The following HFM1 variants were observed in gnomAD, a reference collection of about 807,000 sequenced individuals.
HFM1 encodes probable ATP-dependent DNA helicase HFM1.
HFM1 carries 169 observed loss-of-function variants against 192.1 expected under a neutral mutation model. The observed-to-expected ratio is 0.88, with a 90% CI of 0.78 to 1.00. The LOEUF (loss-of-function observed/expected upper bound fraction) is 1.00. HFM1 is among the 50% of genes least tolerant of loss of function. The pLI, the probability that HFM1 is intolerant of heterozygous loss-of-function variation, is 0.00. For synonymous variants in HFM1, 525 were observed against 537.8 expected, an observed-to-expected ratio of 0.98 and a Z score of 0.33; for missense variants, 1,661 against 1,668.0, an observed-to-expected ratio of 1.00 and a Z score of 0.07.
chr1:91,286,811 C>T (rs574588801), intron 30 of HFM1, among the ~76,000 whole-genome samples: 6 of 152,262 alleles, frequency 3.9e-5, no homozygotes, highest in East Asian at 3.9e-4. Context: ...GTGCACCGTG[C>T]GCCAGCCGAA....
chr1:91,342,807 TA>T (rs1244055266), intron 20 of HFM1, among the ~76,000 whole-genome samples: 4 of 152,244 alleles, frequency 2.6e-5, no homozygotes, highest in African/African-American at 4.8e-5. Context: ...TTTAAGAATA[TA>T]AAAAGCATAT....
At position 91,394,375 on chromosome 1, in the gene HFM1, G is replaced by T; in HGVS notation, c.212C>A (p.Thr71Lys). 1 of 1,544,482 alleles carries T rather than the reference G, an allele frequency of 6.5e-7. No individual in the cohort carries two copies. The highest frequency in any genetic ancestry group is 8.9e-7 in the Non-Finnish European group (1 of 1,126,602). ...TTCATTAGTTATCTTTAAATTTGATGTTAACATTTTTGGCCTCTTTTCCTG... is the reference window on the plus strand; with the variant it reads ...TTCATTAGTTATCTTTAAATTTGATTTTAACATTTTTGGCCTCTTTTCCTG... ...LGQEKRPKML[T>K]SNLKITNEDT... The change falls in exon 4 of 39, where the codon ACA becomes AAA. Residue 71 changes from threonine to lysine, a missense_variant. Coordinates refer to ENST00000370425, the MANE Select transcript of HFM1 (RefSeq NM_001017975.6).
chr1:91,328,466 G>A lies in HFM1; in HGVS notation c.2336-3700C>T, dbSNP rs1458489029. The A allele has an allele frequency of 3.2e-5, 52 of 1,613,190 alleles. No individual in the cohort carries two copies. The Middle Eastern group carries it at 1.3e-3, about 41-fold the overall frequency. ...AATGACATCAAGAGCTACTTTGGCCGTAAGGTGGCCATTGATGCCTCTATG... is the reference window on the plus strand; with the variant it reads ...AATGACATCAAGAGCTACTTTGGCCATAAGGTGGCCATTGATGCCTCTATG... On this transcript the variant is annotated intron_variant, in intron 20 of 38. Coordinates refer to ENST00000370425, the MANE Select transcript of HFM1 (RefSeq NM_001017975.6).
chr1:91,307,358 T>C (rs1302432408), intron 30 of HFM1, among the ~76,000 whole-genome samples: 2 of 152,252 alleles, frequency 1.3e-5, no homozygotes, highest in African/African-American at 2.4e-5. Flanking sequence ...TTTAGTCATA[T>C]AGTTATCCTT....
upstream of HFM1, among the ~76,000 whole-genome samples, chr1:91,405,115 CAA>C (rs1257648237): frequency 2.0e-5 from 3 of 152,120 alleles, no homozygotes; most frequent in African/African-American, 7.2e-5. Context: ...CCTTTCTCAT[CAA>C]AGTTAGCCAG....
intron 23 of HFM1, among the ~76,000 whole-genome samples, chr1:91,319,816 A>C (rs1257165050): frequency 6.6e-6 from 1 of 152,228 alleles, no homozygotes; most frequent in Non-Finnish European, 1.5e-5. Context: ...ATTAGAGAAA[A>C]ATAATACAAT....
intron 29 of HFM1, 65 bp downstream of exon 29, chr1:91,313,892 G>A (rs1650835983): frequency 2.4e-6 from 2 of 831,824 alleles, no homozygotes; most frequent in Admixed American, 2.2e-5. Context: ...CCAGCATAAA[G>A]GATGTAATTT....
intron 2 of HFM1, among the ~76,000 whole-genome samples, chr1:91,398,990 G>A (rs1227042282): frequency 4.6e-5 from 7 of 152,006 alleles, no homozygotes; most frequent in Admixed American, 2.6e-4. Context: ...ACCGTGCCTC[G>A]TCACTCCTCA....
At chr1:91,385,340 A>C in intron 5 of HFM1, 106 bp from the exon 6 acceptor site, 1 of 809,260 alleles carries the variant, frequency 1.2e-6, no homozygotes, top group Non-Finnish European at 2.0e-6. Context: ...AAACTGTTTC[A>C]ATAAAACTAA....
chr1:91,372,582 T>C (rs1470975434), intron 13 of HFM1, among the ~76,000 whole-genome samples: 1 of 152,082 alleles, frequency 6.6e-6, no homozygotes, highest in African/African-American at 2.4e-5. Context: ...CACTGGGGCC[T>C]GTTGTGGGTG....
At chr1:91,264,359 G>GTCTTTTTTTTTTTTTTTTTT (rs1466938761) in intron 36 of HFM1, among the ~76,000 whole-genome samples, 1 of 54,042 alleles carries the variant, frequency 1.9e-5, no homozygotes, top group Non-Finnish European at 3.5e-5. Context: ...CACAAATTTA[G>GTCTTTTTTTTTTTTTTTTTT]TATTTTTTTT....
intron 13 of HFM1, among the ~76,000 whole-genome samples, chr1:91,369,345 G>T (rs1659844264): frequency 6.6e-6 from 1 of 152,084 alleles, no homozygotes; most frequent in African/African-American, 2.4e-5. Context: ...CCACATAGTT[G>T]GAAGTAAAGC....
intron 11 of HFM1, among the ~76,000 whole-genome samples, chr1:91,376,113 T>G (rs1460904010): frequency 6.6e-6 from 1 of 152,034 alleles, no homozygotes. Flanking sequence ...TTTTGTGTTG[T>G]CCTAAATATT....
intron 13 of HFM1, among the ~76,000 whole-genome samples, chr1:91,370,194 T>C (rs2101912920): frequency 6.6e-6 from 1 of 152,294 alleles, no homozygotes; most frequent in East Asian, 1.9e-4. Context: ...CTTCTGAAAC[T>C]ATTCCAATCA....
chr1:91,394,144 AAT>A lies in HFM1; in HGVS notation c.441_442del (p.Lys147AsnfsTer3). The A allele has an allele frequency of 6.2e-7, 1 of 1,606,828 alleles. No individual in the cohort carries two copies. Among genetic ancestry groups the A allele is most frequent in the Non-Finnish European group, 8.5e-7 (1 of 1,174,902 alleles). ...TCCTTTATCTTCTGCAAAATTAACT[AAT>A]TTTGTATCATCAGGAACACTCTTCT... On this transcript the variant is annotated frameshift_variant, in exon 4 of 39. Coordinates refer to ENST00000370425, the MANE Select transcript of HFM1 (RefSeq NM_001017975.6). LOFTEE classifies it high-confidence loss of function.
chr1:91,284,281 T>C (rs769795403), intron 30 of HFM1, among the ~76,000 whole-genome samples: 6 of 151,906 alleles, frequency 3.9e-5, no homozygotes, highest in South Asian at 4.1e-4. Flanking sequence ...TTTGCCTTTG[T>C]TGCCCAGGCT....
chr1:91,387,589 G>A (rs1018374815), intron 4 of HFM1, among the ~76,000 whole-genome samples: 15 of 151,894 alleles, frequency 9.9e-5, no homozygotes, highest in Non-Finnish European at 1.9e-4. Context: ...CACTGTCCCC[G>A]GAAATGATGA....
chr1:91,364,721 C>T (rs1180059438), intron 13 of HFM1, among the ~76,000 whole-genome samples: 1 of 147,178 alleles, frequency 6.8e-6, no homozygotes, highest in African/African-American at 2.5e-5. Flanking sequence ...CAAGCTCTGC[C>T]CCCCGGGGTT....
At chr1:91,333,906 G>A (rs1013038600) in intron 20 of HFM1, among the ~76,000 whole-genome samples, 2 of 152,090 alleles carry the variant, frequency 1.3e-5, no homozygotes, top group African/African-American at 4.8e-5. Flanking sequence ...GTACCTAGAC[G>A]ACAAAAAATC....
Sources: gnomAD v4.1 joint callset for allele counts (sites outside exome capture counted in the v4.1 genomes callset) on GRCh38, gnomAD v4.1.1 for gene constraint, MANE v1.5 for transcripts, NCBI Gene and HGNC (gene_info 2026-07-23, HGNC 2026-07-21) for gene names.